The following MCF2L variants were observed in gnomAD, a reference collection of about 807,000 sequenced individuals.
MCF2L encodes the protein guanine nucleotide exchange factor DBS.
In MCF2L, 97 loss-of-function variants were observed where a neutral mutation model predicts 153.4. That is an observed-to-expected ratio of 0.63 (90% CI 0.54 to 0.75). MCF2L has a LOEUF of 0.75. Ranked by LOEUF, MCF2L falls within the 30% of genes least tolerant of loss-of-function variation. The pLI is 0.00. For synonymous variants in MCF2L, 659 were observed against 632.2 expected (o/e 1.04, Z -0.64); for missense variants, 1,347 against 1,495.2 (o/e 0.90, Z 1.64).
At position 113,031,064 on chromosome 13, in the gene MCF2L, GAGAC is replaced by G. The variant is rs952878236; in HGVS notation, c.278+6310_278+6313del. Among the ~76,000 whole-genome samples the G allele has an allele frequency of 2.1e-4, 30 of 141,172 alleles. No individual in the cohort carries two copies. The highest frequency in any genetic ancestry group is 7.7e-4 in the African/African-American group (28 of 36,586). 92.6% of individuals were successfully genotyped at this position (141,172 alleles called of 152,430 possible). ...ACAGAGACAGACAGATACAGACAGAGAGACAGAGACAGACAGATACAGACAGAGA... is the reference window on the plus strand; with the variant it reads ...ACAGAGACAGACAGATACAGACAGAGAGAGACAGACAGATACAGACAGAGA... On this transcript the variant is annotated intron_variant, in intron 3 of 29. Transcript: ENST00000535094. The surrounding 1 kb of genome is among the most constrained non-coding windows in gnomAD (Gnocchi z 5.5).
chr13:113,074,979 T>C lies in MCF2L; in HGVS notation c.1117-19T>C. On this transcript the variant is annotated intron_variant, in intron 10 of 29. Transcript: ENST00000535094. This position sits in a 1 kb window ranked among gnomAD's most constrained non-coding sequence, Gnocchi z 4.2. The stretch of plus-strand genomic sequence containing the variant: ...AACAGAAAGAGGCCTGAGCTGGTCC[T>C]CTGGGTGGCCGTCCACAGGTGGCCG... The C allele has an allele frequency of 6.3e-7, 1 of 1,586,498 alleles. No homozygotes were observed. Among genetic ancestry groups the C allele is most frequent in the Non-Finnish European group, 8.6e-7 (1 of 1,161,408 alleles).
chr13:112,918,787 G>C (rs915595970), intron 2 of MCF2L, among the ~76,000 whole-genome samples: 2 of 152,188 alleles, frequency 1.3e-5, no homozygotes, highest in Non-Finnish European at 2.9e-5. Context: ...AAGTGGACTG[G>C]AGAGTCGTTT....
chr13:112,965,820 C>T (rs2081886692), upstream of MCF2L: 1 of 152,130 alleles, frequency 6.6e-6, no homozygotes, highest in African/African-American at 2.4e-5. Context: ...TGGGGCGCCT[C>T]TGGTTCCCGG....
At chr13:113,058,577 G>C (rs1355303264) in intron 4 of MCF2L, among the ~76,000 whole-genome samples, 5 of 151,054 alleles carry the variant, frequency 3.3e-5, no homozygotes, top group South Asian at 4.2e-4. Flanking sequence ...TGTGTTTGCT[G>C]TGTGGTTGCT....
At chr13:113,039,831 G>A (rs916689403) in intron 3 of MCF2L, among the ~76,000 whole-genome samples, 3 of 152,192 alleles carry the variant, frequency 2.0e-5, no homozygotes, top group African/African-American at 4.8e-5. Flanking sequence ...CAGAAGTCAC[G>A]TGCATTTCTG....
At chr13:112,955,582 TTGAG>T (rs1566659196) in intron 2 of MCF2L, among the ~76,000 whole-genome samples, 4 of 152,300 alleles carry the variant, frequency 2.6e-5, no homozygotes, top group Admixed American at 6.5e-5. Context: ...GGCAGAGAGA[TTGAG>T]TAACTCCCTC....
rs545868703 is a variant in MCF2L, at chr13:112,987,833, G to A, written c.79+18375G>A. 3.9e-5 allele frequency among the ~76,000 whole-genome samples: 6 copies of A among 152,344 alleles called. No individual in the cohort carries two copies. The South Asian group carries it at 6.2e-4, about 16-fold the overall frequency. The stretch of plus-strand genomic sequence containing the variant: ...CATCGCTGTGGGCGGACAGTGATGG[G>A]ATTGTCCCCCTCGTCACAGCGGACC... On this transcript the variant is annotated intron_variant, in intron 1 of 29. Coordinates refer to ENST00000535094, the MANE Select transcript of MCF2L (RefSeq NM_001112732.3).
chr13:113,085,269 G>C (rs2034522430), intron 20 of MCF2L, 91 bp downstream of exon 20: 1 of 1,085,492 alleles, frequency 9.2e-7, no homozygotes, highest in African/African-American at 1.6e-5. Context: ...ATCGCGCCCT[G>C]CCCCTCCCAG....
At chr13:113,072,286 A>C (rs2032994725) in intron 9 of MCF2L, among the ~76,000 whole-genome samples, 1 of 152,144 alleles carries the variant, frequency 6.6e-6, no homozygotes, top group Non-Finnish European at 1.5e-5. Context: ...AAATAAGGAC[A>C]GTTTGGTTTC....
chr13:112,938,404 G>A (rs2081544173), intron 2 of MCF2L, among the ~76,000 whole-genome samples: 1 of 152,116 alleles, frequency 6.6e-6, no homozygotes, highest in African/African-American at 2.4e-5. Flanking sequence ...CTCAAGGCAT[G>A]TGGCTTATTG....
At chr13:112,940,462 C>CCA in intron 2 of MCF2L, among the ~76,000 whole-genome samples, 1 of 152,306 alleles carries the variant, frequency 6.6e-6, no homozygotes, top group African/African-American at 2.4e-5. Context: ...TCGGGTGGGG[C>CCA]GGGGAAGGCC....
intron 2 of MCF2L, among the ~76,000 whole-genome samples, chr13:112,913,086 G>A (rs1010815463): frequency 1.3e-5 from 2 of 151,572 alleles, no homozygotes; most frequent in Non-Finnish European, 2.9e-5. Context: ...GTGATTGTGT[G>A]TGTGTGGTCT....
intron 16 of MCF2L, among the ~76,000 whole-genome samples, chr13:113,081,508 TAAGA>T (rs2034134896): frequency 6.6e-6 from 1 of 152,208 alleles, no homozygotes; most frequent in Non-Finnish European, 1.5e-5. Context: ...AGTGTAGTGA[TAAGA>T]AAGAGGAGCT....
At chr13:112,895,768 C>T (rs559357803) in intron 1 of MCF2L, among the ~76,000 whole-genome samples, 3 of 152,276 alleles carry the variant, frequency 2.0e-5, no homozygotes, top group South Asian at 4.1e-4. Context: ...AGCTCTTCCC[C>T]ATCCTGTGGG....
At chr13:112,979,301 A>G (rs766944765) in intron 1 of MCF2L, 283 of 1,142,590 alleles carry the variant, frequency 2.5e-4, no homozygotes, top group Non-Finnish European at 3.0e-4. Flanking sequence ...TGTTCGAGGA[A>G]GGAAAGGCCC....
In MCF2L at chr13:113,055,382, C is replaced by CCACACACA. The variant is rs59884971; in HGVS notation, c.370-5155_370-5148dup. Among the ~76,000 whole-genome samples the CCACACACA allele has an allele frequency of 5.9e-4, 9 of 15,242 alleles. 1 individual carries two copies. The highest frequency in any genetic ancestry group is 8.1e-4 in the Non-Finnish European group (6 of 7,440). The allele number at this position is 15,242 out of a possible 152,430, so 10.0% of individuals were successfully genotyped here. A position where few individuals can be genotyped will look rare whatever the true frequency, so the allele number is the denominator to read the frequency against. ...CTGGAGACGTGGACCCCCCCCCCCG[C>CCACACACA]CACACACACACACACACACACACAC... is the stretch of plus-strand genomic sequence containing the variant. On this transcript the variant is annotated intron_variant, in intron 4 of 29. Transcript: ENST00000535094.
chr13:112,899,913 G>A (rs1291533657), intron 1 of MCF2L, among the ~76,000 whole-genome samples: 1 of 152,180 alleles, frequency 6.6e-6, no homozygotes, highest in African/African-American at 2.4e-5. Flanking sequence ...ATGCTTGCAG[G>A]GTCTTGCCTC....
chr13:112,926,753 G>A (rs937529787), intron 2 of MCF2L, among the ~76,000 whole-genome samples: 3 of 152,120 alleles, frequency 2.0e-5, no homozygotes, highest in South Asian at 2.1e-4. Context: ...ATGTGTACTC[G>A]CAGAAAGGGG....
chr13:112,900,827 A>G (rs1411052495), intron 1 of MCF2L, among the ~76,000 whole-genome samples: 1 of 151,992 alleles, frequency 6.6e-6, no homozygotes, highest in African/African-American at 2.4e-5. Context: ...AGGGCCGGGC[A>G]TTGGTGTTTG....
Sources: gnomAD v4.1 joint callset for allele counts (sites outside exome capture counted in the v4.1 genomes callset) on GRCh38, gnomAD v4.1.1 for gene constraint, Gnocchi (gnomAD v3.1) non-coding constraint, MANE v1.5 for transcripts, NCBI Gene and HGNC (gene_info 2026-07-23, HGNC 2026-07-21) for gene names.